The following NBPF9 variants were observed in gnomAD, a reference collection of about 807,000 sequenced individuals.
NBPF9 encodes NBPF member 9.
Under a neutral mutation model 97.8 loss-of-function variants are expected in NBPF9, and 91 were observed. That is an observed-to-expected ratio of 0.93 (90% CI 0.79 to 1.11). NBPF9 has a LOEUF of 1.11. NBPF9 is among the 50% of genes least tolerant of loss of function. The probability of loss-of-function intolerance (pLI) is 0.00; values close to 1 mark genes in which losing one functional copy is unlikely to be tolerated. For missense variants in NBPF9, 992 were observed against 939.5 expected (o/e 1.06, Z -0.73); for synonymous variants, 334 against 359.5 (o/e 0.93, Z 0.80).
intron 15 of NBPF9, among the ~76,000 whole-genome samples, chr1:149,071,399 C>A (rs587629829): frequency 1.3e-5 from 2 of 149,184 alleles, no homozygotes; most frequent in East Asian, 4.2e-4. Context: ...ACTCAGCTAT[C>A]CTTGTACGGT....
At chr1:149,086,249 G>A (rs1198393529) in intron 5 of NBPF9, among the ~76,000 whole-genome samples, 147 of 149,868 alleles carry the variant, frequency 9.8e-4, no homozygotes, top group Middle Eastern at 3.4e-3. Flanking sequence ...TTTCAGTACC[G>A]ACTGAGTGGT....
chr1:149,055,677 C>G (rs833191), exon 30 of NBPF9: 11 of 1,611,776 alleles, frequency 6.8e-6, no homozygotes, highest in Non-Finnish European at 9.3e-6. Context: ...ATATGACTTC[C>G]ATCTGGAACA....
intron 11 of NBPF9, among the ~76,000 whole-genome samples, chr1:149,076,828 A>G (rs1243379338): frequency 2.0e-5 from 3 of 151,590 alleles, no homozygotes. Flanking sequence ...AATAGCTAAG[A>G]CAAGCCAATG....
rs879113576 is a variant in NBPF9, at chr1:149,081,276, C to T, written c.175+689G>A. ...TGGTGATTACAGTTGCCCTCCACGA[C>T]GCCCATCTACTTTTTGTATTTTTAG... On this transcript the variant is annotated intron_variant, in intron 7 of 29. Transcript: ENST00000584027. Among the ~76,000 whole-genome samples the T allele has an allele frequency of 2.9e-4, 44 of 152,112 alleles. No individual in the cohort carries two copies. The East Asian group carries it at 7.0e-3, about 24-fold the overall frequency.
chr1:149,062,035 A>C, intron 22 of NBPF9, 58 bp downstream of exon 22: 1 of 720,124 alleles, frequency 1.4e-6, no homozygotes, highest in Non-Finnish European at 2.4e-6. Flanking sequence ...GAACAGGAAT[A>C]TCACCTCTAT....
rs1189230716 is a variant in NBPF9, at chr1:149,084,697, G to C, written c.-194-2267C>G. Among the ~76,000 whole-genome samples, 110 of 151,584 alleles carry C rather than the reference G, an allele frequency of 7.3e-4. 2 individuals carry two copies. The highest frequency in any genetic ancestry group is 3.4e-3 in the Middle Eastern group (1 of 294). On this transcript the variant is annotated intron_variant, in intron 5 of 29. Coordinates refer to ENST00000584027, the Ensembl canonical transcript of NBPF9. ...GGACCCACCTTCCATCTGGGCCGCCGTCCCAGGGAAAACCTTCCTCAACAT... is the reference window on the plus strand; with the variant it reads ...GGACCCACCTTCCATCTGGGCCGCCCTCCCAGGGAAAACCTTCCTCAACAT...
chr1:149,090,540 T>G (rs2081348821), intron 5 of NBPF9: 3 of 475,346 alleles, frequency 6.3e-6, no homozygotes, highest in Non-Finnish European at 1.1e-5. Flanking sequence ...TGCATTAAAT[T>G]TAAGCCTAAT....
At chr1:149,055,635 T>C in exon 30 of NBPF9, 2 of 1,611,680 alleles carry the variant, frequency 1.2e-6, no homozygotes, top group Non-Finnish European at 1.7e-6. Flanking sequence ...GAATGACATC[T>C]CTCGGCTTAG....
rs3881715 is a variant in NBPF9 at position 149,062,763 on chromosome 1, C to T, written c.2078+99G>A. 366 of 774,694 alleles carry T rather than the reference C, an allele frequency of 4.7e-4. 1 individual carries two copies. Among genetic ancestry groups the T allele is most frequent in the Non-Finnish European group, 7.0e-4 (299 of 425,304 alleles). 48.0% of individuals were successfully genotyped at this position (774,694 alleles called of 1,614,324 possible). A position where few individuals can be genotyped will look rare whatever the true frequency, so the allele number is the denominator to read the frequency against. On this transcript the variant is annotated intron_variant, in intron 21 of 29. Transcript: ENST00000584027. ...AATGGCAGTAGGAGTAATTCAACCTCCGTTGAAAACATGAAATTGAACACA... is the reference window on the plus strand; with the variant it reads ...AATGGCAGTAGGAGTAATTCAACCTTCGTTGAAAACATGAAATTGAACACA...
At chr1:149,071,417 T>C (rs1244860044) in intron 15 of NBPF9, among the ~76,000 whole-genome samples, 187 bp downstream of exon 15, 1 of 148,388 alleles carries the variant, frequency 6.7e-6, no homozygotes, top group Non-Finnish European at 1.5e-5. Context: ...GGTGCAGACA[T>C]GACACTCGGC....
rs1214803100 is a variant in NBPF9, at chr1:149,084,653, C to T, written c.-194-2223G>A. ...GTGGCGGACGGGACCTGTTAGGACA[C>T]GGCCATTGTGGGCAACAAGGACCCA... On this transcript the variant is annotated intron_variant, in intron 5 of 29. Coordinates refer to ENST00000584027, the Ensembl canonical transcript of NBPF9. 9.5e-3 allele frequency among the ~76,000 whole-genome samples: 1,444 copies of T among 151,514 alleles called. 23 individuals carry two copies. Among genetic ancestry groups the T allele is most frequent in the African/African-American group, 0.034 (1,388 of 41,256 alleles).
intron 23 of NBPF9, chr1:149,061,017 A>T: frequency 2.4e-6 from 1 of 416,986 alleles, no homozygotes; most frequent in South Asian, 2.7e-5. Context: ...TGCCCTCAGG[A>T]CACACAGCAT....
chr1:149,094,192 G>A (rs2081596880), intron 4 of NBPF9, among the ~76,000 whole-genome samples: 1 of 150,870 alleles, frequency 6.6e-6, no homozygotes, highest in Non-Finnish European at 1.5e-5. Flanking sequence ...ATTATTATGT[G>A]AAAATGTATC....
intron 4 of NBPF9, among the ~76,000 whole-genome samples, chr1:149,096,865 T>TG (rs1483063331): frequency 2.0e-5 from 2 of 101,126 alleles, no homozygotes; most frequent in Non-Finnish European, 3.9e-5. Context: ...AGGAGGAGGC[T>TG]GGGAGGACCT....
At chr1:149,097,879 A>T (rs1488899686) in intron 4 of NBPF9, among the ~76,000 whole-genome samples, 6 of 152,026 alleles carry the variant, frequency 3.9e-5, no homozygotes, top group African/African-American at 1.2e-4. Context: ...GGAATGGGAG[A>T]TGGGAACGGC....
Position 149,077,445 on chromosome 1 carries a change from G to T in NBPF9, c.567-26C>A, listed in dbSNP as rs1361623398. Reference sequence around the variant, plus strand: ...CTGATGAGCCAGGTGGGACAGAGATGACAGAAGATTAAACACAGAGGGATT... The same window carrying T: ...CTGATGAGCCAGGTGGGACAGAGATTACAGAAGATTAAACACAGAGGGATT... On this transcript the variant is annotated intron_variant, in intron 10 of 29. Coordinates refer to ENST00000584027, the Ensembl canonical transcript of NBPF9. 3.2e-4 allele frequency: 510 copies of T among 1,605,856 alleles called. 20 individuals are homozygous for T. Among genetic ancestry groups the T allele is most frequent in the South Asian group, 1.7e-3 (158 of 90,876 alleles).
At chr1:149,063,784 A>G (rs782063727) in exon 20 of NBPF9, 3 of 617,162 alleles carry the variant, frequency 4.9e-6, no homozygotes, top group Non-Finnish European at 8.6e-6. Context: ...GCCCTTTCTC[A>G]TCCAGCAGCT....
chr1:149,059,852 C>A lies in NBPF9; in HGVS notation c.2477-44G>T, dbSNP rs1485513355. ...TGGACAGACACATTAAGCTGATTCC[C>A]CTACACATATAACAATCCACTGTCT... On this transcript the variant is annotated intron_variant, in intron 24 of 29. Coordinates refer to ENST00000584027, the Ensembl canonical transcript of NBPF9. 10 of 528,542 alleles carry A rather than the reference C, an allele frequency of 1.9e-5. 3 individuals are homozygous for A. Among genetic ancestry groups the A allele is most frequent in the Non-Finnish European group, 2.4e-5 (7 of 287,366 alleles). The allele number at this position is 528,542 out of a possible 1,614,324, so 32.7% of individuals were successfully genotyped here.
At chr1:149,055,687 A>G (rs781934887) in exon 30 of NBPF9, 174 of 1,611,920 alleles carry the variant, frequency 1.1e-4, no homozygotes, top group Non-Finnish European at 1.0e-4. Context: ...CATCTGGAAC[A>G]CCAGGTGGAG....
Sources: gnomAD v4.1 joint callset for allele counts (sites outside exome capture counted in the v4.1 genomes callset) on GRCh38, gnomAD v4.1.1 for gene constraint, MANE v1.5 for transcripts, NCBI Gene and HGNC (gene_info 2026-07-23, HGNC 2026-07-21) for gene names.